Variants in VPS13D observed in about 807,000 individuals in gnomAD.
VPS13D encodes intermembrane lipid transfer protein VPS13D.
VPS13D carries 187 observed loss-of-function variants against 461.9 expected under a neutral mutation model. The ratio of observed to expected loss-of-function variants is 0.40; its 90% confidence interval spans 0.36 to 0.46. VPS13D has a LOEUF of 0.46. VPS13D is among the 20% of genes least tolerant of loss of function. VPS13D has a pLI of 0.60. For synonymous variants in VPS13D, 1,951 were observed against 1,986.3 expected (o/e 0.98, Z 0.47); for missense variants, 4,711 against 5,364.9 (o/e 0.88, Z 3.81).
chr1:12,501,402 G>A (rs1477060870), intron 68 of VPS13D, among the ~76,000 whole-genome samples: 2 of 152,150 alleles, frequency 1.3e-5, no homozygotes, highest in African/African-American at 4.8e-5. Context: ...TTACAGAATT[G>A]GCCATTTGTT....
rs572855878 is a variant in VPS13D, at chr1:12,307,554, C to T, written c.6440-877C>T. ...TTCTGCCCAGGCTGGAGTGCAGTGGCGTGATCTTGGCTCACTGCAACCTCT... is the reference window on the plus strand; with the variant it reads ...TTCTGCCCAGGCTGGAGTGCAGTGGTGTGATCTTGGCTCACTGCAACCTCT... On this transcript the variant is annotated intron_variant, in intron 26 of 69. Coordinates refer to ENST00000620676, the MANE Select transcript of VPS13D (RefSeq NM_015378.4). Among the ~76,000 whole-genome samples, 112 of 152,178 alleles carry T rather than the reference C, an allele frequency of 7.4e-4. 2 individuals are homozygous for T. The highest frequency in any genetic ancestry group is 3.4e-3 in the Middle Eastern group (1 of 294).
In VPS13D at chr1:12,333,172, C is replaced by T. The variant is rs980590324; in HGVS notation, c.8288-54C>T. On this transcript the variant is annotated intron_variant, in intron 37 of 69. Coordinates refer to ENST00000620676, the MANE Select transcript of VPS13D (RefSeq NM_015378.4). Reference sequence around the variant, plus strand: ...CTGAACATTTGCGAGCAGTGTTCCCCTATAAACTCTTGATATCTGCTGAAC... The same window carrying T: ...CTGAACATTTGCGAGCAGTGTTCCCTTATAAACTCTTGATATCTGCTGAAC... 7.6e-6 allele frequency: 12 copies of T among 1,586,852 alleles called. No individual in the cohort carries two copies. In the Admixed American group the frequency reaches 1.6e-4, roughly 22 times the overall value.
intron 50 of VPS13D, among the ~76,000 whole-genome samples, chr1:12,360,213 T>C (rs943237902): frequency 4.6e-5 from 7 of 152,250 alleles, no homozygotes; most frequent in South Asian, 4.1e-4. Flanking sequence ...TGGGCTAAGA[T>C]AGGACTTTAT....
Position 12,423,399 on chromosome 1 carries a change from AT to A in VPS13D, c.12333+6573del, listed in dbSNP as rs530733970. ...TGTGTTAAACAAATAAACCAAAAAA[AT>A]AAAATAAAAAGCAAACCAAACAAAA... On this transcript the variant is annotated intron_variant, in intron 65 of 69. Coordinates refer to ENST00000620676, the MANE Select transcript of VPS13D (RefSeq NM_015378.4). 3.3e-5 allele frequency among the ~76,000 whole-genome samples: 5 copies of A among 152,140 alleles called. No homozygotes were observed. The South Asian group carries it at 8.3e-4, about 25-fold the overall frequency.
chr1:12,308,598 G>A lies in VPS13D; in HGVS notation c.6607G>A (p.Glu2203Lys), dbSNP rs766287332. 1.9e-5 allele frequency: 30 copies of A among 1,613,802 alleles called. No individual in the cohort carries two copies. The highest frequency in any genetic ancestry group is 2.4e-5 in the Non-Finnish European group (28 of 1,179,994). ...ACAGACAGGAGGAAGCCTCTTAACC[G>A]AGCCTTGTAGGCTGAAATTGCAGGT... ...VRQTGGSLLT[E>K]PCRLKLQVER... Residue 2203 changes from glutamate (E) to lysine (K), a missense_variant, in exon 27 of 70, where the codon GAG (glutamate) becomes AAG (lysine). Physicochemically the swap from Glu to Lys is moderately conservative, Grantham distance 56. This residue lies in a region of VPS13D where 4,411 missense variants were observed against 4,937.8 expected (regional missense o/e 0.89). Transcript: ENST00000620676.
Position 12,351,546 on chromosome 1 carries a change from T to C in VPS13D, c.9431+2172T>C, listed in dbSNP as rs1165510673. 2.6e-5 allele frequency among the ~76,000 whole-genome samples: 4 copies of C among 151,936 alleles called. No individual in the cohort carries two copies. In the East Asian group the frequency reaches 7.7e-4, roughly 29 times the overall value. On this transcript the variant is annotated intron_variant, in intron 46 of 69. Transcript: ENST00000620676. ...CTCAGGCAATCCACCCACCTTGGCC[T>C]CCCAAAGTGCTGGGATTACAGGCGT...
chr1:12,321,083 T>C (rs1221918136), intron 32 of VPS13D, among the ~76,000 whole-genome samples: 1 of 152,184 alleles, frequency 6.6e-6, no homozygotes, highest in Non-Finnish European at 1.5e-5. Context: ...GCAAAATAAT[T>C]TGGTCCTAGA....
intron 31 of VPS13D, among the ~76,000 whole-genome samples, chr1:12,318,865 C>T (rs1180192611): frequency 1.3e-5 from 2 of 152,122 alleles, no homozygotes; most frequent in African/African-American, 4.8e-5. Flanking sequence ...TTTCTGATAC[C>T]TGTACCTGCT....
intron 65 of VPS13D, among the ~76,000 whole-genome samples, chr1:12,444,131 G>A (rs895678916): frequency 2.0e-5 from 3 of 152,060 alleles, no homozygotes; most frequent in Non-Finnish European, 2.9e-5. Context: ...GTGAGCCACC[G>A]TGCCCAGCTT....
intron 48 of VPS13D, 33 bp downstream of exon 48, chr1:12,356,123 G>T (rs757606474): frequency 1.3e-6 from 2 of 1,567,764 alleles, no homozygotes; most frequent in Non-Finnish European, 8.7e-7. Flanking sequence ...TAGGTCTTTG[G>T]CGTTAGTCAT....
Position 12,506,863 on chromosome 1 carries a change from G to A in VPS13D, c.12805G>A (p.Val4269Met), listed in dbSNP as rs1162159333. Residue 4269 changes from valine to methionine, a missense_variant, in exon 69 of 70, where the codon GTG becomes ATG. By Grantham distance (21) the Val-to-Met change is conservative. Coordinates refer to ENST00000620676, the MANE Select transcript of VPS13D (RefSeq NM_015378.4). ...CGTCTCGCTTTGCAGCTTCATCGCT[G>A]TGGAGAACATTGACAGCTACTGCGT... ...DNIQDEFFIA[V>M]ENIDSYCVLI... The A allele has an allele frequency of 1.9e-6, 3 of 1,614,208 alleles. No homozygotes were observed. The highest frequency in any genetic ancestry group is 2.5e-6 in the Non-Finnish European group (3 of 1,179,998).
intron 65 of VPS13D, among the ~76,000 whole-genome samples, chr1:12,426,645 G>A (rs1020288686): frequency 2.0e-5 from 3 of 152,128 alleles, no homozygotes; most frequent in Admixed American, 1.3e-4. Context: ...GCTTTCAGAT[G>A]CTTAGTGACA....
intron 7 of VPS13D, among the ~76,000 whole-genome samples, chr1:12,255,634 C>T (rs1246767175): frequency 6.6e-6 from 1 of 151,658 alleles, no homozygotes; most frequent in Admixed American, 6.6e-5. Flanking sequence ...TGGCTCACGC[C>T]TGTAATCCCA....
At chr1:12,412,278 GT>G (rs1331661765) in intron 63 of VPS13D, among the ~76,000 whole-genome samples, 1 of 152,198 alleles carries the variant, frequency 6.6e-6, no homozygotes, top group Non-Finnish European at 1.5e-5. Flanking sequence ...AATTCCAGCA[GT>G]TTTTTTGGAA....
intron 67 of VPS13D, among the ~76,000 whole-genome samples, chr1:12,470,939 T>C (rs1645555140): frequency 6.6e-6 from 1 of 152,262 alleles, no homozygotes; most frequent in African/African-American, 2.4e-5. Flanking sequence ...CTAATGATCC[T>C]TTGATTTTTT....
At chr1:12,389,862 GT>G (rs769463354) in intron 60 of VPS13D, among the ~76,000 whole-genome samples, 13 of 152,208 alleles carry the variant, frequency 8.5e-5, no homozygotes, top group Non-Finnish European at 1.8e-4. Context: ...ACAGGGCATG[GT>G]AATCCTAAGA....
chr1:12,347,963 C>A (rs904947334), intron 44 of VPS13D, among the ~76,000 whole-genome samples: 13 of 152,224 alleles, frequency 8.5e-5, no homozygotes, highest in African/African-American at 2.6e-4. Context: ...AATAATTGCC[C>A]TTCATTATGT....
intron 10 of VPS13D, 30 bp from the exon 11 acceptor site, chr1:12,260,659 TTTTG>T (rs772466193): frequency 8.8e-6 from 14 of 1,592,908 alleles, no homozygotes; most frequent in Non-Finnish European, 1.1e-5. Flanking sequence ...ACGTTTGTGT[TTTTG>T]TTTATTTGCT....
At position 12,478,335 on chromosome 1, in the gene VPS13D, G is replaced by A. The variant is rs191231800; in HGVS notation, c.12662+17939G>A. On this transcript the variant is annotated intron_variant, in intron 67 of 69. Coordinates refer to ENST00000620676, the MANE Select transcript of VPS13D (RefSeq NM_015378.4). The stretch of plus-strand genomic sequence containing the variant: ...GCTCCATAAATTTAACCAGCACGAC[G>A]AAAAGGAGATAATATGAGCCTTCGT... 2.8e-3 allele frequency among the ~76,000 whole-genome samples: 434 copies of A among 152,364 alleles called. 4 individuals are homozygous for A. The highest frequency in any genetic ancestry group is 5.0e-3 in the Non-Finnish European group (342 of 68,030).
Sources: gnomAD v4.1 joint callset for allele counts (sites outside exome capture counted in the v4.1 genomes callset) on GRCh38, gnomAD v4.1.1 for gene constraint, gnomAD v4.1.1 regional missense constraint, MANE v1.5 for transcripts, NCBI Gene and HGNC (gene_info 2026-07-23, HGNC 2026-07-21) for gene names.